The following WWOX variants were observed in gnomAD, a reference collection of about 807,000 sequenced individuals.
The protein encoded by WWOX is WW domain-containing oxidoreductase.
In WWOX, 69 loss-of-function variants were observed where a neutral mutation model predicts 46.2. That is an observed-to-expected ratio of 1.49 (90% confidence interval 1.23 to 1.82). The LOEUF is 1.82. WWOX is among the 40% of genes most tolerant of loss of function. The probability of loss-of-function intolerance (pLI) is 0.00; values close to 1 mark genes in which losing one functional copy is unlikely to be tolerated. For synonymous variants in WWOX, 359 were observed against 202.6 expected, an observed-to-expected ratio of 1.77 and a Z score of -6.56; for missense variants, 919 against 542.6, an observed-to-expected ratio of 1.69 and a Z score of -6.89.
intron 8 of WWOX, among the ~76,000 whole-genome samples, chr16:78,542,210 C>T (rs12598440): frequency 0.4 from 60,728 of 151,654 alleles, 14,838 homozygotes; most frequent in Middle Eastern, 0.58. Context: ...CTCCAGCCCT[C>T]CGTAAACACT....
chr16:79,149,391 T>C (rs2050236684), intron 8 of WWOX, among the ~76,000 whole-genome samples: 2 of 152,226 alleles, frequency 1.3e-5, no homozygotes, highest in African/African-American at 4.8e-5. Flanking sequence ...CACTTGGTCA[T>C]GGCATATATG....
intron 8 of WWOX, among the ~76,000 whole-genome samples, chr16:78,608,225 A>T (rs1201845393): frequency 6.6e-6 from 1 of 152,162 alleles, no homozygotes; most frequent in Non-Finnish European, 1.5e-5. Context: ...GAACAAAGAA[A>T]AGAACTGTGA....
In WWOX at chr16:79,212,364, G is replaced by C. The variant is rs1370390106; in HGVS notation, c.*568G>C. Reference sequence around the variant, plus strand: ...AGGATGACAGTGACACCCAGAGGGAGTAGAATACGCAGAACTACCAGGTGG... The same window carrying C: ...AGGATGACAGTGACACCCAGAGGGACTAGAATACGCAGAACTACCAGGTGG... On this transcript the variant is annotated 3_prime_UTR_variant, in exon 9 of 9. Coordinates refer to ENST00000566780, the MANE Select transcript of WWOX (RefSeq NM_016373.4). 30 of 563,060 alleles carry C rather than the reference G, an allele frequency of 5.3e-5. No homozygotes were observed. Among genetic ancestry groups the C allele is most frequent in the Non-Finnish European group, 9.1e-5 (30 of 331,434 alleles). The allele number at this position is 563,060 out of a possible 1,614,324, so 34.9% of individuals were successfully genotyped here.
chr16:78,427,398 G>T (rs190646274), intron 7 of WWOX, among the ~76,000 whole-genome samples: 1 of 152,236 alleles, frequency 6.6e-6, no homozygotes, highest in Non-Finnish European at 1.5e-5. Context: ...TGACTTCTTT[G>T]CTGTGAAAAA....
intron 8 of WWOX, among the ~76,000 whole-genome samples, chr16:78,647,560 CCA>C (rs2046873299): frequency 6.6e-6 from 1 of 152,212 alleles, no homozygotes; most frequent in Admixed American, 6.5e-5. Context: ...TCTCAAAGCT[CCA>C]CTGCCACTGT....
In WWOX at chr16:78,343,547, T is replaced by C. The variant is rs936682966; in HGVS notation, c.517-43313T>C. On this transcript the variant is annotated intron_variant, in intron 5 of 8. Coordinates refer to ENST00000566780, the MANE Select transcript of WWOX (RefSeq NM_016373.4). ...TAAAGCTTCTGGGCACAGCCCCCCT[T>C]GAGTCTTCATTATGGCAAATCTAGT... Among the ~76,000 whole-genome samples, 8 of 120,878 alleles carry C rather than the reference T, an allele frequency of 6.6e-5. No homozygotes were observed. In the East Asian group the frequency reaches 1.5e-3, roughly 23 times the overall value. 79.3% of individuals were successfully genotyped at this position (120,878 alleles called of 152,430 possible).
intron 5 of WWOX, among the ~76,000 whole-genome samples, chr16:78,302,622 G>A (rs993916392): frequency 6.6e-6 from 1 of 152,142 alleles, no homozygotes; most frequent in African/African-American, 2.4e-5. Context: ...ATTGGAAGAG[G>A]AGGTAACAAT....
chr16:78,684,326 C>A (rs925433807), intron 8 of WWOX, among the ~76,000 whole-genome samples: 1 of 152,244 alleles, frequency 6.6e-6, no homozygotes, highest in East Asian at 1.9e-4. Context: ...GCAGGTAATA[C>A]AAAACCCACC....
At chr16:79,188,710 A>T (rs929243338) in intron 8 of WWOX, among the ~76,000 whole-genome samples, 2 of 152,216 alleles carry the variant, frequency 1.3e-5, no homozygotes, top group Non-Finnish European at 2.9e-5. Flanking sequence ...CAAAGTCCTG[A>T]TGTTTAAATC....
At chr16:78,808,408 G>A (rs1177227587) in intron 8 of WWOX, among the ~76,000 whole-genome samples, 2 of 152,186 alleles carry the variant, frequency 1.3e-5, no homozygotes, top group Non-Finnish European at 2.9e-5. Context: ...TCAAATATGG[G>A]TAAATGCTAT....
At chr16:78,796,827 C>T (rs1209881857) in intron 8 of WWOX, among the ~76,000 whole-genome samples, 17 of 133,114 alleles carry the variant, frequency 1.3e-4, no homozygotes, top group South Asian at 4.9e-4. Flanking sequence ...TTATCTTCTT[C>T]TTTTTTTTTT....
intron 5 of WWOX, among the ~76,000 whole-genome samples, chr16:78,180,433 G>A (rs563775882): frequency 6.6e-6 from 1 of 152,178 alleles, no homozygotes; most frequent in East Asian, 1.9e-4. Flanking sequence ...CAAGAGTAGG[G>A]GGTATATGTT....
At chr16:78,623,072 G>A (rs868383404) in intron 8 of WWOX, among the ~76,000 whole-genome samples, 23 of 151,888 alleles carry the variant, frequency 1.5e-4, no homozygotes, top group Non-Finnish European at 1.5e-4. Flanking sequence ...GAAGGTGATT[G>A]ACCATCCCCA....
chr16:78,293,487 C>T (rs909368770), intron 5 of WWOX, among the ~76,000 whole-genome samples: 3 of 152,110 alleles, frequency 2.0e-5, no homozygotes, highest in Non-Finnish European at 2.9e-5. Context: ...CTCTTTCTTA[C>T]GGTGGTTCTA....
At chr16:78,334,807 C>T (rs535665035) in intron 5 of WWOX, among the ~76,000 whole-genome samples, 10 of 45,782 alleles carry the variant, frequency 2.2e-4, no homozygotes, top group South Asian at 9.3e-4. Flanking sequence ...CACACACACA[C>T]GCACACACAC....
chr16:79,010,723 C>T (rs950243249), intron 8 of WWOX, among the ~76,000 whole-genome samples: 3 of 149,340 alleles, frequency 2.0e-5, no homozygotes, highest in African/African-American at 7.4e-5. Flanking sequence ...GCCATGGGTA[C>T]CAAGGGGTAG....
rs896748951 is a variant in WWOX at position 78,477,925 on chromosome 16, C to T, written c.1056+45173C>T. 3.3e-5 allele frequency among the ~76,000 whole-genome samples: 5 copies of T among 151,950 alleles called. No individual in the cohort carries two copies. The South Asian group carries it at 8.3e-4, about 25-fold the overall frequency. On this transcript the variant is annotated intron_variant, in intron 8 of 8. Transcript: ENST00000566780. ...TGGAAAAAGATATTCTGGTTATGTT[C>T]GTGCTAAAATGTGTGTATTAGAATT...
chr16:79,066,169 C>G (rs917286933), intron 8 of WWOX, among the ~76,000 whole-genome samples: 3 of 152,168 alleles, frequency 2.0e-5, no homozygotes, highest in African/African-American at 4.8e-5. Flanking sequence ...GCCGTCCTCT[C>G]TTCCTAAATC....
At chr16:78,367,797 A>G (rs1343537622) in intron 5 of WWOX, among the ~76,000 whole-genome samples, 5 of 151,132 alleles carry the variant, frequency 3.3e-5, no homozygotes, top group Non-Finnish European at 7.4e-5. Context: ...TCGCTCTGTC[A>G]CCAGGCTGGA....
Sources: allele counts gnomAD v4.1 joint callset (sites outside exome capture counted in the v4.1 genomes callset), GRCh38; gene constraint gnomAD v4.1.1; transcripts MANE v1.5; gene names NCBI Gene and HGNC (gene_info 2026-07-23, HGNC 2026-07-21).